The following CACNA1E variants were observed in gnomAD, a reference collection of about 807,000 sequenced individuals.
The protein encoded by CACNA1E is calcium voltage-gated channel subunit alpha1 E, also known as voltage-dependent R-type calcium channel subunit alpha-1E.
A neutral mutation model predicts 259.2 loss-of-function variants in CACNA1E; 40 were observed. The ratio of observed to expected loss-of-function variants is 0.15; its 90% CI spans 0.12 to 0.20. The LOEUF is 0.20. Among genes scored for constraint, CACNA1E ranks in the 10% least tolerant of loss-of-function variants. The pLI, the probability that CACNA1E is intolerant of heterozygous loss-of-function variation, is 1.00. For missense variants in CACNA1E, 1,874 were observed against 3,040.1 expected, an observed-to-expected ratio of 0.62 and a Z score of 9.02; for synonymous variants, 1,104 against 1,138.5, an observed-to-expected ratio of 0.97 and a Z score of 0.61.
At chr1:181,739,071 C>T in intron 24 of CACNA1E, 76 bp from the exon 25 acceptor site, 4 of 877,460 alleles carry the variant, frequency 4.6e-6, no homozygotes, top group Non-Finnish European at 7.8e-6. Flanking sequence ...GGGGGCACTG[C>T]CATGATGAAC....
chr1:181,539,395 T>G (rs6693989), intron 3 of CACNA1E, among the ~76,000 whole-genome samples: 35,204 of 151,974 alleles, frequency 0.23, 4,514 homozygotes, highest in African/African-American at 0.33. Flanking sequence ...ATTAATGAAT[T>G]AATGAATGAA....
At position 181,402,164 on chromosome 1, in the gene CACNA1E, G is replaced by A. The variant is rs1439110960; in HGVS notation, c.-14-10969G>A. Among the ~76,000 whole-genome samples, 13 of 152,130 alleles carry A rather than the reference G, an allele frequency of 8.5e-5. No homozygotes were observed. In the South Asian group the frequency reaches 1.2e-3, roughly 15 times the overall value. On this transcript the variant is annotated intron_variant, in intron 1 of 11. Coordinates refer to the CACNA1E transcript ENST00000524607. ...AGATATTTCTTATATATAAATTTGC[G>A]AATCAGAAAAAATATTCTTTTCAGA...
At chr1:181,386,197 G>C (rs1655834257) in intron 1 of CACNA1E, among the ~76,000 whole-genome samples, 1 of 152,220 alleles carries the variant, frequency 6.6e-6, no homozygotes. Flanking sequence ...AGACTTCTCT[G>C]AGAATGCAAA....
chr1:181,714,043 A>C (rs1356769546), intron 8 of CACNA1E, among the ~76,000 whole-genome samples: 4 of 152,202 alleles, frequency 2.6e-5, no homozygotes, highest in Non-Finnish European at 5.9e-5. Flanking sequence ...TTCAACAATC[A>C]GTTAAATTCT....
intron 1 of CACNA1E, among the ~76,000 whole-genome samples, chr1:181,397,581 AGCCACTGC>A (rs1432831328): frequency 1.3e-5 from 2 of 152,178 alleles, no homozygotes; most frequent in Non-Finnish European, 2.9e-5. Context: ...TACAGGTATG[AGCCACTGC>A]GCCTGGACAG....
At chr1:181,595,968 T>C (rs565667263) in intron 6 of CACNA1E, among the ~76,000 whole-genome samples, 1 of 152,334 alleles carries the variant, frequency 6.6e-6, no homozygotes, top group South Asian at 2.1e-4. Context: ...CTCTTTTATA[T>C]CCAGGTTATT....
At chr1:181,422,016 T>C (rs1658785042) in intron 2 of CACNA1E, among the ~76,000 whole-genome samples, 1 of 152,218 alleles carries the variant, frequency 6.6e-6, no homozygotes, top group Non-Finnish European at 1.5e-5. Flanking sequence ...ACTCGCCTTT[T>C]ATTTAGGCTA....
chr1:181,476,692 G>A (rs1225298116), intron 2 of CACNA1E, among the ~76,000 whole-genome samples: 3 of 152,286 alleles, frequency 2.0e-5, no homozygotes, highest in East Asian at 1.9e-4. Flanking sequence ...GAGCCCACCC[G>A]GGCTGAACGA....
chr1:181,776,019 C>T lies in CACNA1E; in HGVS notation c.5140-82C>T, dbSNP rs531210846. 7.4e-7 allele frequency: 1 copy of T among 1,353,750 alleles called. No individual in the cohort carries two copies. The highest frequency in any genetic ancestry group is 1.4e-5 in the African/African-American group (1 of 69,122). The allele number at this position is 1,353,750 out of a possible 1,614,324, so 83.9% of individuals were successfully genotyped here. A position where few individuals can be genotyped will look rare whatever the true frequency, so the allele number is the denominator to read the frequency against. ...GGCTCGTTTGCTAAAACACCCTCCTCCATGCCCTGAAGCCTGTTCTTCTGC... is the reference window on the plus strand; with the variant it reads ...GGCTCGTTTGCTAAAACACCCTCCTTCATGCCCTGAAGCCTGTTCTTCTGC... On this transcript the variant is annotated intron_variant, in intron 37 of 47. Coordinates refer to ENST00000367573, the MANE Select transcript of CACNA1E (RefSeq NM_001205293.3). The surrounding 1 kb of genome is among the most constrained non-coding windows in gnomAD (Gnocchi z 4.4).
At chr1:181,420,284 T>C (rs1248384192) in intron 2 of CACNA1E, among the ~76,000 whole-genome samples, 1 of 151,988 alleles carries the variant, frequency 6.6e-6, no homozygotes, top group Non-Finnish European at 1.5e-5. Flanking sequence ...GTACTTTAGG[T>C]GATTTCAGAT....
At chr1:181,569,239 A>G (rs1316111394) in intron 3 of CACNA1E, among the ~76,000 whole-genome samples, 2 of 152,210 alleles carry the variant, frequency 1.3e-5, no homozygotes, top group Non-Finnish European at 2.9e-5. Flanking sequence ...GGCCTGCTGC[A>G]TGGCATATGG....
intron 15 of CACNA1E, 44 bp downstream of exon 15, chr1:181,720,899 T>G: frequency 3.3e-6 from 4 of 1,218,362 alleles, no homozygotes; most frequent in Non-Finnish European, 4.8e-6. Context: ...ATGGGGTCCC[T>G]TGGACTGCAC....
intron 6 of CACNA1E, among the ~76,000 whole-genome samples, chr1:181,604,944 A>T (rs1654087468): frequency 6.6e-6 from 1 of 152,170 alleles, no homozygotes; most frequent in Non-Finnish European, 1.5e-5. Flanking sequence ...TGTGGGAGAC[A>T]TGAGAGAGGC....
intron 37 of CACNA1E, among the ~76,000 whole-genome samples, chr1:181,772,623 G>A (rs942813591): frequency 2.0e-5 from 3 of 151,988 alleles, no homozygotes; most frequent in African/African-American, 7.2e-5. Flanking sequence ...TTATAAGTAC[G>A]TCTATGGATA....
chr1:181,726,407 A>T (rs534272375), intron 18 of CACNA1E, among the ~76,000 whole-genome samples: 14 of 152,232 alleles, frequency 9.2e-5, no homozygotes, highest in Non-Finnish European at 1.8e-4. Context: ...ACAGGGTCCT[A>T]TGGTGGAGAA....
chr1:181,747,461 T>A (rs1248093832), intron 25 of CACNA1E, among the ~76,000 whole-genome samples: 1 of 151,894 alleles, frequency 6.6e-6, no homozygotes, highest in South Asian at 2.1e-4. Context: ...TTTTTTTTTT[T>A]TTTTTTTTAC....
In CACNA1E at chr1:181,641,703, G is replaced by GTTT. The variant is rs751082929; in HGVS notation, c.952-9609_952-9607dup. Among the ~76,000 whole-genome samples the GTTT allele has an allele frequency of 2.6e-3, 212 of 81,068 alleles. 26 individuals carry two copies. Among genetic ancestry groups the GTTT allele is most frequent in the African/African-American group, 6.7e-3 (153 of 22,898 alleles). The allele number at this position is 81,068 out of a possible 152,430, so 53.2% of individuals were successfully genotyped here. Reference sequence around the variant, plus strand: ...GATCATGAGGCAACACTAATTTTTTGTTTTTTTTTTTTTTTTTTTTTTTTT... The same window carrying GTTT: ...GATCATGAGGCAACACTAATTTTTTGTTTTTTTTTTTTTTTTTTTTTTTTTTTT... On this transcript the variant is annotated intron_variant, in intron 6 of 47. Transcript: ENST00000367573.
chr1:181,321,265 A>G (rs1417124843), intron 1 of CACNA1E, among the ~76,000 whole-genome samples: 1 of 152,194 alleles, frequency 6.6e-6, no homozygotes, highest in Non-Finnish European at 1.5e-5. Flanking sequence ...GGGATGAACA[A>G]CCAAACTTTG....
rs114306303 is a variant in CACNA1E at position 181,498,896 on chromosome 1, T to C, written c.267-11581T>C. Among the ~76,000 whole-genome samples, 1,262 of 152,284 alleles carry C rather than the reference T, an allele frequency of 8.3e-3. 15 individuals are homozygous for C. Among genetic ancestry groups the C allele is most frequent in the African/African-American group, 0.028 (1,162 of 41,546 alleles). ...TTAGCAAGTATATGTTTTTGGTGTT[T>C]GGGGCATAGGAGGCTGGATATAAGG... On this transcript the variant is annotated intron_variant, in intron 1 of 47. Transcript: ENST00000367573.
Sources: gnomAD v4.1 joint callset for allele counts (sites outside exome capture counted in the v4.1 genomes callset) on GRCh38, gnomAD v4.1.1 for gene constraint, Gnocchi (gnomAD v3.1) non-coding constraint, MANE v1.5 for transcripts, NCBI Gene and HGNC (gene_info 2026-07-23, HGNC 2026-07-21) for gene names.